Variants in ANKRD36B observed in about 807,000 individuals in gnomAD.
ANKRD36B encodes the protein ankyrin repeat domain 36B.
Under a neutral mutation model 135.7 loss-of-function variants are expected in ANKRD36B, and 37 were observed. That is an observed-to-expected ratio of 0.27 (90% CI 0.21 to 0.36). The LOEUF is 0.36. ANKRD36B is among the 10% of genes least tolerant of loss of function. The probability of loss-of-function intolerance (pLI) is 1.00; values close to 1 mark genes in which losing one functional copy is unlikely to be tolerated. For missense variants in ANKRD36B, 549 were observed against 1,037.1 expected, an observed-to-expected ratio of 0.53 and a Z score of 6.46; for synonymous variants, 179 against 348.1, an observed-to-expected ratio of 0.51 and a Z score of 5.41.
intron 18 of ANKRD36B, among the ~76,000 whole-genome samples, chr2:97,549,902 G>C (rs921377439): frequency 1.3e-5 from 2 of 151,950 alleles, no homozygotes; most frequent in Non-Finnish European, 2.9e-5. Flanking sequence ...CAAGTGATGA[G>C]AACAAATGTG....
intron 16 of ANKRD36B, among the ~76,000 whole-genome samples, chr2:97,552,018 T>C (rs1184251325): frequency 6.6e-6 from 1 of 151,998 alleles, no homozygotes; most frequent in Non-Finnish European, 1.5e-5. Flanking sequence ...ACCTTGGATA[T>C]CTGGTTGCTG....
chr2:97,524,214 T>C (rs1170484034), intron 35 of ANKRD36B: 4 of 92,196 alleles, frequency 4.3e-5, no homozygotes, highest in African/African-American at 1.3e-4. Flanking sequence ...TTCATTTCTT[T>C]GGAGCAGGTA....
chr2:97,568,780 T>TA (rs2081623847), intron 6 of ANKRD36B, among the ~76,000 whole-genome samples: 1 of 152,060 alleles, frequency 6.6e-6, no homozygotes, highest in Admixed American at 6.6e-5. Context: ...GTTGTCTCAC[T>TA]ACCTAGTGGG....
chr2:97,571,361 T>C (rs2081848772), intron 6 of ANKRD36B, among the ~76,000 whole-genome samples: 2 of 149,652 alleles, frequency 1.3e-5, no homozygotes, highest in East Asian at 4.0e-4. Flanking sequence ...TAAAATGCAT[T>C]AGTAGGCTGG....
At chr2:97,494,463 C>T (rs2077281763) in intron 43 of ANKRD36B, among the ~76,000 whole-genome samples, 1 of 106,784 alleles carries the variant, frequency 9.4e-6, no homozygotes, top group African/African-American at 2.6e-5. Flanking sequence ...TTTTAAACAA[C>T]CACCTTTCGT....
rs1317467169 is a variant in ANKRD36B, at chr2:97,547,414, G to A, written c.1579+122C>T. The A allele has an allele frequency of 5.4e-6, 6 of 1,108,242 alleles. No homozygotes were observed. The East Asian group carries it at 1.6e-4, about 29-fold the overall frequency. 68.7% of individuals were successfully genotyped at this position (1,108,242 alleles called of 1,614,324 possible). On this transcript the variant is annotated intron_variant, in intron 22 of 43. Coordinates refer to ENST00000359901, the MANE Select transcript of ANKRD36B (RefSeq NM_001393939.1). ...CACCCACGAACTTATTTGAAATGAAGAATCTCAGGACTGCTGAATCAGAAT... is the reference window on the plus strand; with the variant it reads ...CACCCACGAACTTATTTGAAATGAAAAATCTCAGGACTGCTGAATCAGAAT...
intron 34 of ANKRD36B, among the ~76,000 whole-genome samples, chr2:97,534,055 CA>C (rs764863325): frequency 0.03 from 1,233 of 40,768 alleles, 226 homozygotes; most frequent in African/African-American, 0.074. Flanking sequence ...GACTCCATCT[CA>C]AAAAAAAAAA....
In ANKRD36B at chr2:97,560,828, T is replaced by C. The variant is rs1287577190; in HGVS notation, c.792+4A>G. 1.4e-5 allele frequency: 22 copies of C among 1,572,690 alleles called. No individual in the cohort carries two copies. Among genetic ancestry groups the C allele is most frequent in the East Asian group, 6.7e-5 (3 of 44,514 alleles). Reference sequence around the variant, plus strand: ...GTTCAACATATAAATGAGACTTTAATTACCTTCTCAGCTCGTTGTTTCTGA... The same window carrying C: ...GTTCAACATATAAATGAGACTTTAACTACCTTCTCAGCTCGTTGTTTCTGA... On this transcript the variant is annotated splice_donor_region_variant and intron_variant, in intron 7 of 43. Coordinates refer to ENST00000359901, the MANE Select transcript of ANKRD36B (RefSeq NM_001393939.1).
At chr2:97,554,244 G>A (rs1261502360) in intron 14 of ANKRD36B, among the ~76,000 whole-genome samples, 1 of 151,790 alleles carries the variant, frequency 6.6e-6, no homozygotes, top group African/African-American at 2.4e-5. Context: ...TTGTTAGGAG[G>A]ATCATACTAT....
At position 97,533,509 on chromosome 2, in the gene ANKRD36B, A is replaced by G. The variant is rs541779601; in HGVS notation, c.2192-1125T>C. Among the ~76,000 whole-genome samples the G allele has an allele frequency of 6.2e-5, 6 of 97,034 alleles. 1 individual carries two copies. The highest frequency in any genetic ancestry group is 1.9e-4 in the African/African-American group (6 of 32,406). The allele number at this position is 97,034 out of a possible 152,430, so 63.7% of individuals were successfully genotyped here. A position where few individuals can be genotyped will look rare whatever the true frequency, so the allele number is the denominator to read the frequency against. ...CTACAAGCATTTATCATGTCCAACT[A>G]TTTTTCCTATTATTTAGGAAGTACA... On this transcript the variant is annotated intron_variant, in intron 34 of 43. Transcript: ENST00000359901.
intron 20 of ANKRD36B, among the ~76,000 whole-genome samples, chr2:97,548,139 C>A (rs2079671974): frequency 6.6e-6 from 1 of 151,912 alleles, no homozygotes; most frequent in East Asian, 1.9e-4. Flanking sequence ...CACCATTATA[C>A]TACAAACATT....
chr2:97,549,272 C>T, intron 20 of ANKRD36B, 147 bp downstream of exon 20: 1 of 992,044 alleles, frequency 1.0e-6, no homozygotes, highest in Non-Finnish European at 1.4e-6. Flanking sequence ...GCATCAGCAT[C>T]ACTCAAGAAC....
chr2:97,569,067 C>T lies in ANKRD36B; in HGVS notation c.763+7312G>A, dbSNP rs180954937. Among the ~76,000 whole-genome samples the T allele has an allele frequency of 2.9e-3, 437 of 152,260 alleles. 3 individuals are homozygous for T. Among genetic ancestry groups the T allele is most frequent in the African/African-American group, 0.01 (423 of 41,552 alleles). On this transcript the variant is annotated intron_variant, in intron 6 of 43. Transcript: ENST00000359901. ...AAAGTACAACCTCTTGAGATTGTCCCTTTCCACTGCTAGTCTATCTGGACC... is the reference window on the plus strand; with the variant it reads ...AAAGTACAACCTCTTGAGATTGTCCTTTTCCACTGCTAGTCTATCTGGACC...
intron 35 of ANKRD36B, among the ~76,000 whole-genome samples, chr2:97,526,171 A>AC (rs113581058): frequency 0.44 from 41,901 of 95,486 alleles, 18,657 homozygotes; most frequent in African/African-American, 0.86. Context: ...GGGCAGACTG[A>AC]ACCTCACATG....
chr2:97,551,596 G>A, intron 16 of ANKRD36B, 116 bp from the exon 17 acceptor site: 1 of 1,494,620 alleles, frequency 6.7e-7, no homozygotes, highest in African/African-American at 1.4e-5. Flanking sequence ...CGTAGGTTTT[G>A]ATGGCTTCTA....
At chr2:97,536,205 T>C (rs1204520516) in intron 34 of ANKRD36B, 95 bp downstream of exon 34, 2 of 503,758 alleles carry the variant, frequency 4.0e-6, no homozygotes, top group African/African-American at 4.3e-5. Flanking sequence ...AAATAAAATA[T>C]AAAAAGTGAA....
At position 97,558,399 on chromosome 2, in the gene ANKRD36B, C is replaced by T. The variant is rs1439415985; in HGVS notation, c.967+400G>A. ...CTACATCAGTGGTCTCCTTAGCTCTCGTTCTACAGTGTTTATGGGCTATTA... is the reference window on the plus strand; with the variant it reads ...CTACATCAGTGGTCTCCTTAGCTCTTGTTCTACAGTGTTTATGGGCTATTA... On this transcript the variant is annotated intron_variant, in intron 10 of 43. Transcript: ENST00000359901. Among the ~76,000 whole-genome samples the T allele has an allele frequency of 3.3e-5, 5 of 152,056 alleles. No individual in the cohort carries two copies. The East Asian group carries it at 5.8e-4, about 18-fold the overall frequency.
chr2:97,535,125 A>T lies in ANKRD36B; in HGVS notation c.2191+1175T>A, dbSNP rs2078796565. ...TGTGGGTGTGAGAAATTTAAAAAATAGAGCTCATGGAGATGAAGAGAAAAA... is the reference window on the plus strand; with the variant it reads ...TGTGGGTGTGAGAAATTTAAAAAATTGAGCTCATGGAGATGAAGAGAAAAA... On this transcript the variant is annotated intron_variant, in intron 34 of 43. Transcript: ENST00000359901. Among the ~76,000 whole-genome samples the T allele has an allele frequency of 2.0e-5, 2 of 97,998 alleles. 1 individual carries two copies. The highest frequency in any genetic ancestry group is 5.6e-5 in the Non-Finnish European group (2 of 35,990). 64.3% of individuals were successfully genotyped at this position (97,998 alleles called of 152,430 possible).
At chr2:97,508,628 CA>C (rs2104268981) in intron 40 of ANKRD36B, among the ~76,000 whole-genome samples, 1 of 99,916 alleles carries the variant, frequency 1.0e-5, no homozygotes, top group East Asian at 2.2e-4. Context: ...TAAAACTAAG[CA>C]TCATCTTTCC....
Sources: gnomAD v4.1 joint callset for allele counts (sites outside exome capture counted in the v4.1 genomes callset) on GRCh38, gnomAD v4.1.1 for gene constraint, MANE v1.5 for transcripts, NCBI Gene and HGNC (gene_info 2026-07-23, HGNC 2026-07-21) for gene names.